PPARGC1A: variants seen among roughly 807,000 people sequenced by gnomAD.
The protein encoded by PPARGC1A is PPARG coactivator 1 alpha.
A neutral mutation model predicts 88.7 loss-of-function variants in PPARGC1A; 25 were observed. The ratio of observed to expected loss-of-function variants is 0.28; its 90% CI spans 0.21 to 0.39. The LOEUF is 0.39. Among genes scored for constraint, PPARGC1A ranks in the 10% least tolerant of loss-of-function variants. The probability of loss-of-function intolerance (pLI) is 1.00; values close to 1 mark genes in which losing one functional copy is unlikely to be tolerated. For synonymous variants in PPARGC1A, 363 were observed against 355.6 expected (o/e 1.02, Z -0.24); for missense variants, 880 against 968.7 (o/e 0.91, Z 1.22).
the PPARGC1A span, among the ~76,000 whole-genome samples, chr4:24,037,650 A>G: frequency 6.6e-6 from 1 of 152,208 alleles, no homozygotes; most frequent in African/African-American, 2.4e-5. Context: ...TTACCGACAG[A>G]TTTCCAATAA....
At chr4:24,189,803 A>T in the PPARGC1A span, among the ~76,000 whole-genome samples, 17 of 152,034 alleles carry the variant, frequency 1.1e-4, no homozygotes, top group African/African-American at 4.1e-4. Context: ...TCTCTCTGTC[A>T]CTGCCTACTA....
At chr4:23,830,288 G>C (rs1412595051) in intron 3 of PPARGC1A, among the ~76,000 whole-genome samples, 1 of 152,198 alleles carries the variant, frequency 6.6e-6, no homozygotes, top group Non-Finnish European at 1.5e-5. Flanking sequence ...TGGATCAGGA[G>C]ATGTGGGTTC....
the PPARGC1A span, among the ~76,000 whole-genome samples, chr4:24,318,052 C>A: frequency 6.6e-6 from 1 of 152,112 alleles, no homozygotes; most frequent in Non-Finnish European, 1.5e-5. Flanking sequence ...GAATAAATAG[C>A]CAGTTCTCCA....
chr4:24,019,748 G>C, the PPARGC1A span, among the ~76,000 whole-genome samples: 1 of 152,174 alleles, frequency 6.6e-6, no homozygotes, highest in East Asian at 1.9e-4. Flanking sequence ...AAAAGTTGTT[G>C]CAGATATTGT....
chr4:23,983,027 G>C, the PPARGC1A span, among the ~76,000 whole-genome samples: 1 of 152,034 alleles, frequency 6.6e-6, no homozygotes, highest in Non-Finnish European at 1.5e-5. Context: ...CTGGATCATT[G>C]CAACAGAAGC....
the PPARGC1A span, among the ~76,000 whole-genome samples, chr4:24,182,357 A>C: frequency 6.6e-6 from 1 of 152,096 alleles, no homozygotes; most frequent in Non-Finnish European, 1.5e-5. Context: ...ATAGTATTTC[A>C]TGGTGTATGT....
chr4:24,144,159 C>A, the PPARGC1A span, among the ~76,000 whole-genome samples: 6 of 151,980 alleles, frequency 3.9e-5, no homozygotes, highest in African/African-American at 1.4e-4. Flanking sequence ...GAGAGCATCC[C>A]AAAAAAGTGT....
the PPARGC1A span, among the ~76,000 whole-genome samples, chr4:24,288,527 T>C: frequency 0.39 from 59,059 of 152,004 alleles, 12,141 homozygotes; most frequent in African/African-American, 0.5. Context: ...AATACAAATA[T>C]CTCTTAGAAT....
At chr4:24,116,151 T>C in the PPARGC1A span, among the ~76,000 whole-genome samples, 2 of 152,200 alleles carry the variant, frequency 1.3e-5, no homozygotes, top group Non-Finnish European at 2.9e-5. Context: ...ATTTTGACAA[T>C]AATTTGTATA....
chr4:24,212,841 A>G, the PPARGC1A span, among the ~76,000 whole-genome samples: 19 of 152,300 alleles, frequency 1.2e-4, no homozygotes, highest in African/African-American at 4.1e-4. Flanking sequence ...CTGAGACAAC[A>G]ATGGTTGTGT....
the PPARGC1A span, among the ~76,000 whole-genome samples, chr4:23,967,869 A>G: frequency 1.3e-5 from 2 of 152,128 alleles, no homozygotes; most frequent in African/African-American, 4.8e-5. Flanking sequence ...TGAAGAAAGT[A>G]CATAGGAACA....
the PPARGC1A span, among the ~76,000 whole-genome samples, chr4:24,256,774 C>G: frequency 6.6e-6 from 1 of 152,122 alleles, no homozygotes; most frequent in East Asian, 1.9e-4. Flanking sequence ...CATGGGCACA[C>G]GTGATTCCAG....
the PPARGC1A span, among the ~76,000 whole-genome samples, chr4:23,979,152 A>T: frequency 2.0e-5 from 3 of 152,222 alleles, no homozygotes; most frequent in African/African-American, 7.2e-5. Flanking sequence ...GTATGTAATT[A>T]TTGAAGAACA....
intron 2 of PPARGC1A, chr4:23,882,552 A>C (rs1716153208): frequency 6.6e-6 from 1 of 152,164 alleles, no homozygotes; most frequent in African/African-American, 2.4e-5. Flanking sequence ...GATAACAACC[A>C]AACATGCCTC....
the PPARGC1A span, among the ~76,000 whole-genome samples, chr4:24,196,075 T>G: frequency 6.6e-6 from 1 of 152,232 alleles, no homozygotes; most frequent in Non-Finnish European, 1.5e-5. Flanking sequence ...TGCTCAGGAA[T>G]AGAGAGAGGA....
chr4:24,269,660 T>TCA, the PPARGC1A span, among the ~76,000 whole-genome samples: 185 of 65,788 alleles, frequency 2.8e-3, 1 homozygote, highest in Non-Finnish European at 3.2e-3. Flanking sequence ...TCACACTTTA[T>TCA]TATCATCATC....
At chr4:23,908,677 C>T (rs1297846404), upstream of PPARGC1A, among the ~76,000 whole-genome samples, 1 of 152,136 alleles carries the variant, frequency 6.6e-6, no homozygotes, top group Non-Finnish European at 1.5e-5. Context: ...CTATGAAATT[C>T]TAAATGTTCG....
chr4:24,377,508 A>C, the PPARGC1A span, among the ~76,000 whole-genome samples: 1 of 152,184 alleles, frequency 6.6e-6, no homozygotes, highest in Non-Finnish European at 1.5e-5. Flanking sequence ...GTTATACTGA[A>C]GTTCAGCCTG....
chr4:23,915,795 G>C, the PPARGC1A span, among the ~76,000 whole-genome samples: 1 of 152,314 alleles, frequency 6.6e-6, no homozygotes, highest in Admixed American at 6.5e-5. Flanking sequence ...AGAGACAATA[G>C]CCTGACAATT....
Sources: gnomAD v4.1 joint callset for allele counts (sites outside exome capture counted in the v4.1 genomes callset) on GRCh38, gnomAD v4.1.1 for gene constraint, MANE v1.5 for transcripts, NCBI Gene and HGNC (gene_info 2026-07-23, HGNC 2026-07-21) for gene names.